Variants in PTGR1 observed in about 807,000 individuals in gnomAD.
PTGR1 encodes the protein 15-oxoprostaglandin 13-reductase.
A neutral mutation model predicts 37.7 loss-of-function variants in PTGR1; 23 were observed. The ratio of observed to expected loss-of-function variants is 0.61; its 90% CI spans 0.44 to 0.86. PTGR1 has a LOEUF of 0.86. Ranked by LOEUF, PTGR1 falls within the 40% of genes least tolerant of loss-of-function variation. The probability of loss-of-function intolerance (pLI) is 0.00; values close to 1 mark genes in which losing one functional copy is unlikely to be tolerated. For missense variants in PTGR1, 351 were observed against 394.3 expected (o/e 0.89, Z 0.93); for synonymous variants, 134 against 140.0 (o/e 0.96, Z 0.30).
At chr9:111,586,831 T>C (rs12552360) in intron 4 of PTGR1, among the ~76,000 whole-genome samples, 7,122 of 151,522 alleles carry the variant, frequency 0.047, 312 homozygotes, top group East Asian at 0.15. Context: ...GCATACTTTT[T>C]TTTTTTAAGA....
At position 111,552,431 on chromosome 9, in the gene PTGR1, G is replaced by A. The variant is rs761616745; in HGVS notation, c.880-2632C>T. Reference sequence around the variant, plus strand: ...CACAAATATTTTCAGTATGTATCATGCAATAGAATAGAGCAATGAGGGAAA... The same window carrying A: ...CACAAATATTTTCAGTATGTATCATACAATAGAATAGAGCAATGAGGGAAA... On this transcript the variant is annotated intron_variant, in intron 9 of 9. Coordinates refer to the PTGR1 transcript ENST00000538962. 3.0e-4 allele frequency among the ~76,000 whole-genome samples: 46 copies of A among 152,260 alleles called. No individual in the cohort carries two copies. The Middle Eastern group carries it at 0.017, about 56-fold the overall frequency.
At chr9:111,555,093 G>T (rs1230923239) in intron 9 of PTGR1, among the ~76,000 whole-genome samples, 1 of 152,158 alleles carries the variant, frequency 6.6e-6, no homozygotes, top group African/African-American at 2.4e-5. Flanking sequence ...GGTGGGATAG[G>T]AGTTGGAGTT....
intron 4 of PTGR1, among the ~76,000 whole-genome samples, chr9:111,591,147 C>T (rs1369820205): frequency 6.6e-6 from 1 of 151,468 alleles, no homozygotes; most frequent in Non-Finnish European, 1.5e-5. Context: ...CAAAATTAGC[C>T]GGGTGCGGTG....
downstream of PTGR1, among the ~76,000 whole-genome samples, chr9:111,557,709 T>G (rs575333740): frequency 2.0e-4 from 30 of 152,202 alleles, 1 homozygote; most frequent in South Asian, 5.8e-3. Flanking sequence ...GAAATACAGG[T>G]GTGAGACATT....
chr9:111,576,679 T>C (rs1829070476), intron 7 of PTGR1: 2 of 362,512 alleles, frequency 5.5e-6, no homozygotes, highest in Non-Finnish European at 9.9e-6. Context: ...TGTGCAAACA[T>C]GTACATATTT....
In PTGR1 at chr9:111,571,336, C is replaced by T. The variant is rs1239821997; in HGVS notation, c.761-1127G>A. 1.3e-5 allele frequency among the ~76,000 whole-genome samples: 2 copies of T among 149,492 alleles called. 1 individual carries two copies. Among genetic ancestry groups the T allele is most frequent in the Non-Finnish European group, 3.0e-5 (2 of 67,372 alleles). ...CTGAGGCAGGAGAATCGCTTGAAGT[C>T]GGAAGGGGACTGCAGTGAGCTGAGA... On this transcript the variant is annotated intron_variant, in intron 8 of 9. Coordinates refer to ENST00000407693, the MANE Select transcript of PTGR1 (RefSeq NM_001146108.2).
intron 9 of PTGR1, 22 bp from the exon 10 acceptor site, chr9:111,563,253 T>C (rs764529053): frequency 1.9e-6 from 3 of 1,599,270 alleles, no homozygotes; most frequent in African/African-American, 2.7e-5. Flanking sequence ...CAACAACAAA[T>C]TTTAAAACTT....
downstream of PTGR1, among the ~76,000 whole-genome samples, chr9:111,559,943 C>T (rs1241299973): frequency 2.6e-5 from 4 of 152,180 alleles, no homozygotes; most frequent in Non-Finnish European, 2.9e-5. Context: ...TTTGTACAGA[C>T]ACTCTTCTCC....
chr9:111,555,212 A>C (rs1474480323), intron 9 of PTGR1, among the ~76,000 whole-genome samples: 2 of 152,084 alleles, frequency 1.3e-5, no homozygotes, highest in Non-Finnish European at 2.9e-5. Flanking sequence ...ATCAAGTTCT[A>C]TTTGGCAAAA....
At chr9:111,598,487 CTTTTT>C (rs200180731) in intron 1 of PTGR1, among the ~76,000 whole-genome samples, 5 of 152,128 alleles carry the variant, frequency 3.3e-5, no homozygotes, top group Admixed American at 6.5e-5. Flanking sequence ...TCCTTCTTTT[CTTTTT>C]TTAAAATTAA....
intron 3 of PTGR1, among the ~76,000 whole-genome samples, chr9:111,593,228 A>G (rs1829677318): frequency 6.6e-6 from 1 of 152,142 alleles, no homozygotes; most frequent in African/African-American, 2.4e-5. Context: ...GGATTTTTTT[A>G]TGAGTGAACA....
intron 4 of PTGR1, among the ~76,000 whole-genome samples, chr9:111,590,557 A>G (rs1378480617): frequency 6.6e-6 from 1 of 151,974 alleles, no homozygotes; most frequent in African/African-American, 2.4e-5. Flanking sequence ...TTGGGTTTTG[A>G]CATGTTGGCC....
Position 111,592,946 on chromosome 9 carries a change from C to G in PTGR1, c.189G>C (p.Met63Ile), listed in dbSNP as rs184433231. Residue 63 changes from methionine (M) to isoleucine (I), a missense_variant, in exon 4 of 10, where the codon ATG becomes ATC. Physicochemically the swap from Met to Ile is conservative, Grantham distance 10. Transcript: ENST00000407693. ...ATTACTTGGCCACTTGCTGCCCCAT[C>G]ATTGTATCACCTTCCTTCAATCTTT... Reference protein sequence around the residue: ...AAKRLKEGDTMMGQQVAKVVE... With the variant: ...AAKRLKEGDTIMGQQVAKVVE... The G allele has an allele frequency of 5.0e-6, 7 of 1,392,636 alleles. No homozygotes were observed. Among genetic ancestry groups the G allele is most frequent in the East Asian group, 7.4e-5 (2 of 27,106 alleles). The allele number at this position is 1,392,636 out of a possible 1,614,324, so 86.3% of individuals were successfully genotyped here. A position where few individuals can be genotyped will look rare whatever the true frequency, so the allele number is the denominator to read the frequency against.
chr9:111,585,605 G>A (rs1354870496), intron 5 of PTGR1, among the ~76,000 whole-genome samples: 1 of 152,028 alleles, frequency 6.6e-6, no homozygotes, highest in African/African-American at 2.4e-5. Context: ...TCAGCCTCCC[G>A]GCCCCTGATA....
downstream of PTGR1, among the ~76,000 whole-genome samples, chr9:111,557,843 AGT>A (rs140986598): frequency 3.5e-3 from 538 of 152,320 alleles, 3 homozygotes; most frequent in African/African-American, 0.012. Flanking sequence ...TCTGTGGTGA[AGT>A]ATGTTAAAAC....
At chr9:111,580,431 T>C (rs936460294) in intron 6 of PTGR1, among the ~76,000 whole-genome samples, 1 of 152,182 alleles carries the variant, frequency 6.6e-6, no homozygotes, top group Non-Finnish European at 1.5e-5. Flanking sequence ...TCATCTGGTT[T>C]TCTTCCTCTT....
At chr9:111,550,215 T>C (rs1589280731) in intron 9 of PTGR1, among the ~76,000 whole-genome samples, 1 of 152,348 alleles carries the variant, frequency 6.6e-6, no homozygotes, top group African/African-American at 2.4e-5. Flanking sequence ...TGAATTCACC[T>C]AGATACACAG....
intron 8 of PTGR1, among the ~76,000 whole-genome samples, chr9:111,572,990 G>A (rs540042669): frequency 6.6e-6 from 1 of 152,218 alleles, no homozygotes; most frequent in African/African-American, 2.4e-5. Flanking sequence ...GCTTGCCTCT[G>A]AGCTATCCTA....
At chr9:111,551,269 A>G (rs953334630) in intron 9 of PTGR1, among the ~76,000 whole-genome samples, 2 of 152,206 alleles carry the variant, frequency 1.3e-5, no homozygotes, top group Non-Finnish European at 2.9e-5. Context: ...TTCATTTGTA[A>G]TACATAACTC....
Sources: allele counts gnomAD v4.1 joint callset (sites outside exome capture counted in the v4.1 genomes callset), GRCh38; gene constraint gnomAD v4.1.1; transcripts MANE v1.5; gene names NCBI Gene and HGNC (gene_info 2026-07-23, HGNC 2026-07-21).